Variants in FGFR2 observed in about 807,000 individuals in gnomAD.
The protein encoded by FGFR2 is fibroblast growth factor receptor 2.
Under a neutral mutation model 95.9 loss-of-function variants are expected in FGFR2, and 19 were observed. The ratio of observed to expected loss-of-function variants is 0.20; its 90% CI spans 0.14 to 0.29. FGFR2 has a LOEUF of 0.29. FGFR2 is among the 10% of genes least tolerant of loss of function. FGFR2 has a pLI of 1.00. For missense variants in FGFR2, 707 were observed against 1,056.9 expected (o/e 0.67, Z 4.59); for synonymous variants, 392 against 393.3 (o/e 1.00, Z 0.04).
chr10:121,556,408 T>TCC (rs1856151473), intron 4 of FGFR2, among the ~76,000 whole-genome samples: 3 of 149,716 alleles, frequency 2.0e-5, no homozygotes, highest in African/African-American at 7.6e-5. Context: ...TCTCTCTCTC[T>TCC]CTCTCTCTCT....
chr10:121,559,531 G>A (rs1370976458), intron 4 of FGFR2, among the ~76,000 whole-genome samples: 1 of 152,250 alleles, frequency 6.6e-6, no homozygotes, highest in Admixed American at 6.5e-5. Flanking sequence ...CAGAGGCCAA[G>A]TAGCCAGCTA....
At chr10:121,554,813 T>C (rs1855898764) in intron 4 of FGFR2, among the ~76,000 whole-genome samples, 1 of 152,164 alleles carries the variant, frequency 6.6e-6, no homozygotes, top group Non-Finnish European at 1.5e-5. Context: ...GTGTCCTCTG[T>C]ATGTTTTTGC....
intron 2 of FGFR2, among the ~76,000 whole-genome samples, chr10:121,582,558 G>A (rs1204244526): frequency 6.6e-6 from 1 of 152,124 alleles, no homozygotes; most frequent in Non-Finnish European, 1.5e-5. Context: ...ACTTTGGGAG[G>A]CTGAGGTGGG....
In FGFR2 at chr10:121,593,941, G is replaced by T; in HGVS notation, c.-124C>A. Reference sequence around the variant, plus strand: ...TCAGCCTGCGGTGGGCTCAGGAACCGAGGCGCTGCCGCTGCTGCTGCAGTC... The same window carrying T: ...TCAGCCTGCGGTGGGCTCAGGAACCTAGGCGCTGCCGCTGCTGCTGCAGTC... On this transcript the variant is annotated 5_prime_UTR_variant, in exon 2 of 18. Transcript: ENST00000358487. 1.2e-6 allele frequency: 1 copy of T among 867,224 alleles called. No homozygotes were observed. Among genetic ancestry groups the T allele is most frequent in the Non-Finnish European group, 1.9e-6 (1 of 517,958 alleles). 53.7% of individuals were successfully genotyped at this position (867,224 alleles called of 1,614,324 possible).
rs2135120510 is a variant in FGFR2, at chr10:121,565,622, C to G, written c.192G>C (p.Leu64Phe). 6.2e-7 allele frequency: 1 copy of G among 1,614,234 alleles called. No homozygotes were observed. The highest frequency in any genetic ancestry group is 8.5e-7 in the Non-Finnish European group (1 of 1,180,046). Residue 64 changes from leucine (L) to phenylalanine (F), a missense_variant, in exon 3 of 18, where the codon TTG becomes TTC. Transcript: ENST00000358487. ...PGESLEVRCL[L>F]KDAAVISWTK... is the part of the protein sequence containing the mutation. ...TCCAACTGATCACGGCGGCATCTTT[C>G]AACAGGCAGCGCACCTCTAGCGACT... is the stretch of plus-strand genomic sequence containing the variant.
At position 121,531,638 on chromosome 10, in the gene FGFR2, T is replaced by C. The variant is rs896730961; in HGVS notation, c.748+6954A>G. On this transcript the variant is annotated intron_variant, in intron 6 of 17. Transcript: ENST00000358487. The surrounding 1 kb of genome is among the most constrained non-coding windows in gnomAD (Gnocchi z 4.5). Reference sequence around the variant, plus strand: ...CTCTCCTACCACCTCCTCCTCCCCATAGTGCTACAAGGAAACAGTCATCAC... The same window carrying C: ...CTCTCCTACCACCTCCTCCTCCCCACAGTGCTACAAGGAAACAGTCATCAC... Among the ~76,000 whole-genome samples, 2 of 152,038 alleles carry C rather than the reference T, an allele frequency of 1.3e-5. No homozygotes were observed. The highest frequency in any genetic ancestry group is 2.4e-5 in the African/African-American group (1 of 41,394).
intron 9 of FGFR2, among the ~76,000 whole-genome samples, chr10:121,513,659 T>C (rs1194889239): frequency 6.6e-6 from 1 of 152,156 alleles, no homozygotes; most frequent in Non-Finnish European, 1.5e-5. Context: ...TTTGCTTTCC[T>C]GGCCCCAAGA....
Position 121,478,895 on chromosome 10 carries a change from AC to A in FGFR2, c.*961del, listed in dbSNP as rs1844332245. ...ATGGATTAAGGCATCTTTTAAGAGGACGCTGGTACCATTTATCTTGGGAAGT... is the reference window on the plus strand; with the variant it reads ...ATGGATTAAGGCATCTTTTAAGAGGAGCTGGTACCATTTATCTTGGGAAGT... On this transcript the variant is annotated 3_prime_UTR_variant, in exon 18 of 18. Transcript: ENST00000358487. 1 of 233,436 alleles carries A rather than the reference AC, an allele frequency of 4.3e-6. No individual in the cohort carries two copies. Among genetic ancestry groups the A allele is most frequent in the Non-Finnish European group, 8.5e-6 (1 of 117,956 alleles). 14.5% of individuals were successfully genotyped at this position (233,436 alleles called of 1,614,324 possible).
At chr10:121,511,003 A>G (rs1024180716) in intron 9 of FGFR2, among the ~76,000 whole-genome samples, 1 of 151,570 alleles carries the variant, frequency 6.6e-6, no homozygotes, top group Admixed American at 6.6e-5. Flanking sequence ...GGGTTTCACT[A>G]TATGTTGGCC....
At chr10:121,561,809 T>C (rs1198462105) in intron 4 of FGFR2, among the ~76,000 whole-genome samples, 2 of 152,286 alleles carry the variant, frequency 1.3e-5, no homozygotes, top group East Asian at 1.9e-4. Context: ...AGGACTGTTA[T>C]CCAAAATATA....
At chr10:121,508,705 G>A (rs139084216) in intron 9 of FGFR2, among the ~76,000 whole-genome samples, 4 of 152,274 alleles carry the variant, frequency 2.6e-5, no homozygotes, top group African/African-American at 4.8e-5. Context: ...GATGAAGTAC[G>A]GAGATTCAGA....
At chr10:121,577,178 T>TAGAGAGAGAGAGAGAGAG (rs1169688456) in intron 2 of FGFR2, among the ~76,000 whole-genome samples, 117 of 5,206 alleles carry the variant, frequency 0.022, 7 homozygotes, top group African/African-American at 0.03. Flanking sequence ...TATATATATA[T>TAGAGAGAGAGAGAGAGAG]AGAGAGAGAG....
intron 4 of FGFR2, among the ~76,000 whole-genome samples, chr10:121,552,721 G>A (rs946322295): frequency 6.6e-6 from 1 of 152,194 alleles, no homozygotes; most frequent in Non-Finnish European, 1.5e-5. Flanking sequence ...AACCTCTACT[G>A]TACAGCAATT....
chr10:121,486,400 C>T (rs942176635), intron 15 of FGFR2, among the ~76,000 whole-genome samples: 10 of 152,106 alleles, frequency 6.6e-5, no homozygotes, highest in African/African-American at 2.4e-4. Context: ...AGAATTAATG[C>T]CTACCCAGAA....
At chr10:121,562,131 C>A (rs1857072673) in intron 4 of FGFR2, among the ~76,000 whole-genome samples, 1 of 152,156 alleles carries the variant, frequency 6.6e-6, no homozygotes, top group South Asian at 2.1e-4. Flanking sequence ...TGGTTTCCTA[C>A]AAATCTAAAC....
chr10:121,551,490 C>T (rs753660838), intron 4 of FGFR2, 31 bp from the exon 5 acceptor site: 3 of 1,606,214 alleles, frequency 1.9e-6, no homozygotes, highest in Non-Finnish European at 2.6e-6. Context: ...AGAATGTATA[C>T]TGATGGACAG....
intron 4 of FGFR2, among the ~76,000 whole-genome samples, chr10:121,561,151 G>A (rs1156788251): frequency 2.6e-5 from 4 of 152,082 alleles, no homozygotes; most frequent in East Asian, 1.9e-4. Flanking sequence ...CAGGCCGGGC[G>A]CAGTGGCTCA....
intron 15 of FGFR2, among the ~76,000 whole-genome samples, chr10:121,486,947 A>G (rs1460129763): frequency 6.6e-6 from 1 of 152,088 alleles, no homozygotes; most frequent in East Asian, 1.9e-4. Context: ...ACTCAGCTCC[A>G]CTCTTTAAGG....
intron 6 of FGFR2, among the ~76,000 whole-genome samples, chr10:121,522,626 A>G (rs1850722097): frequency 6.6e-6 from 1 of 152,214 alleles, no homozygotes; most frequent in Non-Finnish European, 1.5e-5. Flanking sequence ...AAAATGAAAT[A>G]AAATAAAAAG....
Sources: gnomAD v4.1 joint callset for allele counts (sites outside exome capture counted in the v4.1 genomes callset) on GRCh38, gnomAD v4.1.1 for gene constraint, Gnocchi (gnomAD v3.1) non-coding constraint, MANE v1.5 for transcripts, NCBI Gene and HGNC (gene_info 2026-07-23, HGNC 2026-07-21) for gene names.